The following CELF2 variants were observed in gnomAD, a reference collection of about 807,000 sequenced individuals.
CELF2 encodes CUG triplet repeat RNA-binding protein 2.
CELF2 carries 8 observed loss-of-function variants against 62.6 expected under a neutral mutation model. That is an observed-to-expected ratio of 0.13 (90% confidence interval 0.07 to 0.23). The LOEUF is 0.23. CELF2 is among the 10% of genes least tolerant of loss of function. The pLI is 1.00. For synonymous variants in CELF2, 258 were observed against 250.0 expected (o/e 1.03, Z -0.30); for missense variants, 333 against 671.0 (o/e 0.50, Z 5.56).
chr10:10,510,110 AC>A, the CELF2 span, among the ~76,000 whole-genome samples: 1 of 152,012 alleles, frequency 6.6e-6, no homozygotes, highest in East Asian at 1.9e-4. Context: ...TACTTATCCA[AC>A]CCATAATTGC....
the CELF2 span, among the ~76,000 whole-genome samples, chr10:10,737,055 T>C: frequency 2.0e-5 from 3 of 152,170 alleles, no homozygotes; most frequent in African/African-American, 7.2e-5. Flanking sequence ...AGCCATCTGG[T>C]AGTTTCTGAG....
At chr10:10,808,808 A>G (rs1254984281) in intron 1 of CELF2, among the ~76,000 whole-genome samples, 1 of 152,126 alleles carries the variant, frequency 6.6e-6, no homozygotes, top group Non-Finnish European at 1.5e-5. Flanking sequence ...GTAGAGAAAA[A>G]CCTTCTACAG....
At position 11,073,451 on chromosome 10, in the gene CELF2, A is replaced by G. The variant is rs1010434584; in HGVS notation, c.74+55288A>G. On this transcript the variant is annotated intron_variant, in intron 1 of 12. Transcript: ENST00000633077. ...TTGAAACACGCCGGGATGTTTAGCA[A>G]TAGTCACAGCAACATACAGTGGTAT... 4.6e-5 allele frequency among the ~76,000 whole-genome samples: 7 copies of G among 152,206 alleles called. No homozygotes were observed. In the East Asian group the frequency reaches 5.8e-4, roughly 13 times the overall value.
intron 1 of CELF2, among the ~76,000 whole-genome samples, chr10:11,027,474 CGT>C (rs1491535430): frequency 6.7e-6 from 1 of 149,236 alleles, no homozygotes; most frequent in East Asian, 1.9e-4. Flanking sequence ...AGAGGCAAGT[CGT>C]TTTTTTTATC....
the CELF2 span, among the ~76,000 whole-genome samples, chr10:10,648,117 C>T: frequency 2.0e-5 from 3 of 152,190 alleles, no homozygotes; most frequent in Admixed American, 6.5e-5. Context: ...ATCCACTGCC[C>T]ACCACCTTGC....
chr10:10,696,318 G>A, the CELF2 span, among the ~76,000 whole-genome samples: 1 of 151,804 alleles, frequency 6.6e-6, no homozygotes. Context: ...GCTGCTCAGG[G>A]GTCAGGGGTC....
intron 2 of CELF2, among the ~76,000 whole-genome samples, chr10:11,198,922 C>G (rs1416869862): frequency 6.6e-6 from 1 of 152,206 alleles, no homozygotes; most frequent in Non-Finnish European, 1.5e-5. Flanking sequence ...CACAGTCTGT[C>G]TTCAAACTGT....
upstream of CELF2, among the ~76,000 whole-genome samples, chr10:11,014,399 G>C (rs1170059390): frequency 6.6e-6 from 1 of 152,198 alleles, no homozygotes; most frequent in Non-Finnish European, 1.5e-5. Flanking sequence ...GTCTGCACGA[G>C]CAGAAAATTA....
chr10:10,644,757 C>G, the CELF2 span, among the ~76,000 whole-genome samples: 1 of 152,154 alleles, frequency 6.6e-6, no homozygotes, highest in Non-Finnish European at 1.5e-5. Flanking sequence ...TATCTCCCCC[C>G]ACGTCCTGGG....
chr10:10,809,198 T>A (rs1377868487), intron 1 of CELF2, among the ~76,000 whole-genome samples: 1 of 152,140 alleles, frequency 6.6e-6, no homozygotes, highest in Non-Finnish European at 1.5e-5. Flanking sequence ...TCCCTCTTTC[T>A]CTCTCTTTCT....
Position 10,972,614 on chromosome 10 carries a change from T to G in CELF2, c.89+52615T>G, listed in dbSNP as rs1244119082. Among the ~76,000 whole-genome samples, 1 of 152,184 alleles carries G rather than the reference T, an allele frequency of 6.6e-6. No individual in the cohort carries two copies. On this transcript the variant is annotated intron_variant, in intron 2 of 13. Coordinates refer to the CELF2 transcript ENST00000636488. This position sits in a 1 kb window ranked among gnomAD's most constrained non-coding sequence, Gnocchi z 4.4. ...CAACCGTCTTCTACATATTGATGAT[T>G]CTCAGTCCCGGTCTCCATGACTGAC...
At chr10:10,470,699 T>C in the CELF2 span, among the ~76,000 whole-genome samples, 105 of 151,466 alleles carry the variant, frequency 6.9e-4, no homozygotes, top group Middle Eastern at 3.4e-3. Flanking sequence ...TAAGGCCCCA[T>C]GTGATGATAC....
chr10:10,852,299 A>G (rs1461022641), intron 1 of CELF2, among the ~76,000 whole-genome samples: 1 of 152,228 alleles, frequency 6.6e-6, no homozygotes, highest in Non-Finnish European at 1.5e-5. Context: ...AACAACTTGG[A>G]TGGATCTCAG....
At chr10:10,727,929 G>T in the CELF2 span, among the ~76,000 whole-genome samples, 1 of 152,094 alleles carries the variant, frequency 6.6e-6, no homozygotes, top group Admixed American at 6.5e-5. Context: ...GCACGGAGCT[G>T]CTGGGGACAC....
At chr10:11,090,054 A>G (rs932139062) in intron 1 of CELF2, among the ~76,000 whole-genome samples, 1 of 152,190 alleles carries the variant, frequency 6.6e-6, no homozygotes, top group Non-Finnish European at 1.5e-5. Context: ...GACAGACATC[A>G]AAACCTAGTT....
the CELF2 span, among the ~76,000 whole-genome samples, chr10:10,696,601 C>G: frequency 6.6e-6 from 1 of 151,860 alleles, no homozygotes; most frequent in Non-Finnish European, 1.5e-5. Flanking sequence ...CCTCCCCCAG[C>G]CTCGCTGCGG....
intron 3 of CELF2, among the ~76,000 whole-genome samples, chr10:11,230,558 T>C (rs1303114529): frequency 2.0e-5 from 3 of 152,172 alleles, no homozygotes; most frequent in Non-Finnish European, 4.4e-5. Flanking sequence ...CCAGACATTC[T>C]GAAGGTGGGG....
chr10:10,637,321 A>G, the CELF2 span, among the ~76,000 whole-genome samples: 2 of 152,214 alleles, frequency 1.3e-5, no homozygotes, highest in South Asian at 4.1e-4. Flanking sequence ...CAACATATTT[A>G]TCTAGTAACA....
rs1206817350 is a variant in CELF2, at chr10:10,960,917, T to G, written c.89+40918T>G. On this transcript the variant is annotated intron_variant, in intron 2 of 13. Transcript: ENST00000636488. ...ACTAGCCGTGCCCCTAGACGGAAGC[T>G]TCTCTGCTCCTAAATTTCTCAAAGT... Among the ~76,000 whole-genome samples, 3 of 152,218 alleles carry G rather than the reference T, an allele frequency of 2.0e-5. No homozygotes were observed. The East Asian group carries it at 5.8e-4, about 29-fold the overall frequency.
Sources: allele counts gnomAD v4.1 joint callset (sites outside exome capture counted in the v4.1 genomes callset), GRCh38; gene constraint gnomAD v4.1.1; non-coding constraint Gnocchi (gnomAD v3.1); transcripts MANE v1.5; gene names NCBI Gene and HGNC (gene_info 2026-07-23, HGNC 2026-07-21).